MSL2: variants seen among roughly 807,000 people sequenced by gnomAD.
MSL2 encodes MSL complex subunit 2.
MSL2 carries 2 observed loss-of-function variants against 35.8 expected under a neutral mutation model. The ratio of observed to expected loss-of-function variants is 0.06; its 90% CI spans 0.02 to 0.18. The LOEUF (loss-of-function observed/expected upper bound fraction) is 0.18. Ranked by LOEUF, MSL2 falls within the 10% of genes least tolerant of loss-of-function variation. The pLI, the probability that MSL2 is intolerant of heterozygous loss-of-function variation, is 1.00. For synonymous variants in MSL2, 296 were observed against 255.7 expected (o/e 1.16, Z -1.50); for missense variants, 523 against 706.7 (o/e 0.74, Z 2.95).
intron 1 of MSL2, among the ~76,000 whole-genome samples, chr3:136,155,134 G>C (rs909880207): frequency 6.6e-6 from 1 of 151,962 alleles, no homozygotes; most frequent in Non-Finnish European, 1.5e-5. Flanking sequence ...GCTTGAACCC[G>C]GGAGGCAGAG....
At chr3:136,194,871 G>A in intron 1 of MSL2, 101 bp downstream of exon 1, 3 of 1,536,870 alleles carry the variant, frequency 2.0e-6, no homozygotes, top group Non-Finnish European at 2.7e-6. Context: ...AATAACAAAA[G>A]CTTAATACCA....
chr3:136,153,383 T>C (rs767886969), intron 1 of MSL2, among the ~76,000 whole-genome samples: 3 of 152,168 alleles, frequency 2.0e-5, no homozygotes, highest in African/African-American at 4.8e-5. Flanking sequence ...TCATAAAAGA[T>C]AGTCTTGAGG....
At chr3:136,159,998 G>A (rs528478511) in intron 1 of MSL2, among the ~76,000 whole-genome samples, 8 of 152,156 alleles carry the variant, frequency 5.3e-5, no homozygotes, top group African/African-American at 1.9e-4. Flanking sequence ...ATGGTCAGGC[G>A]AGGTGGTTCA....
intron 1 of MSL2, among the ~76,000 whole-genome samples, chr3:136,165,022 C>T (rs1040770178): frequency 2.0e-5 from 3 of 152,002 alleles, no homozygotes; most frequent in African/African-American, 7.2e-5. Flanking sequence ...CACAGGTGAG[C>T]ACCACTGCGT....
At chr3:136,190,648 C>G (rs1028465698) in intron 1 of MSL2, among the ~76,000 whole-genome samples, 1 of 152,106 alleles carries the variant, frequency 6.6e-6, no homozygotes, top group African/African-American at 2.4e-5. Context: ...CCCTCCAATC[C>G]TAACAGGATT....
intron 1 of MSL2, chr3:136,155,452 G>A (rs113021516): frequency 4.6e-4 from 74 of 162,376 alleles, no homozygotes; most frequent in African/African-American, 1.6e-3. Context: ...TGCAGTGAGC[G>A]GAGATCGTGC....
At position 136,195,741 on chromosome 3, in the gene MSL2, G is replaced by A. The variant is rs1576382795; in HGVS notation, c.-628C>T. ...CTCTCCATATCGGACGCGGGGCCCA[G>A]ACTGCGCCCTGGCTCTCCGCCCCGT... On this transcript the variant is annotated 5_prime_UTR_variant, in exon 1 of 2. Coordinates refer to ENST00000309993, the MANE Select transcript of MSL2 (RefSeq NM_018133.4). 2.0e-6 allele frequency: 2 copies of A among 985,194 alleles called. No individual in the cohort carries two copies. Among genetic ancestry groups the A allele is most frequent in the Non-Finnish European group, 2.4e-6 (2 of 829,888 alleles). 61.0% of individuals were successfully genotyped at this position (985,194 alleles called of 1,614,324 possible). A position where few individuals can be genotyped will look rare whatever the true frequency, so the allele number is the denominator to read the frequency against.
intron 1 of MSL2, among the ~76,000 whole-genome samples, chr3:136,177,981 C>T (rs1940230513): frequency 6.6e-6 from 1 of 152,038 alleles, no homozygotes; most frequent in Non-Finnish European, 1.5e-5. Context: ...TTGGGTAAGT[C>T]AGTACTTTAT....
At chr3:136,155,502 T>G (rs906814284) in intron 1 of MSL2, 1 of 186,542 alleles carries the variant, frequency 5.4e-6, no homozygotes, top group Non-Finnish European at 1.1e-5. Context: ...AGAGCAAAAC[T>G]CCACCTCAAA....
chr3:136,157,122 T>A (rs1486630434), intron 1 of MSL2, among the ~76,000 whole-genome samples: 2 of 152,178 alleles, frequency 1.3e-5, no homozygotes. Flanking sequence ...CTAATCAGGT[T>A]AAAGCAAATA....
At chr3:136,180,992 A>AT (rs1306765047) in intron 1 of MSL2, among the ~76,000 whole-genome samples, 5 of 151,074 alleles carry the variant, frequency 3.3e-5, no homozygotes, top group Middle Eastern at 6.8e-3. Context: ...ACTCTATTAA[A>AT]TAAAAAAAAA....
Position 136,151,952 on chromosome 3 carries a change from G to C in MSL2, c.929C>G (p.Ser310Cys), listed in dbSNP as rs1298277598. Reference sequence around the variant, plus strand: ...GGACATAAAAACATTATGGCTAAGAGACTGGGAAGAAAGCTGCAGAAAAGG... The same window carrying C: ...GGACATAAAAACATTATGGCTAAGACACTGGGAAGAAAGCTGCAGAAAAGG... ...NGPFLQLSSQ[S>C]LSHNVFMSTS... The change falls in exon 2 of 2, where the codon TCT becomes TGT. Residue 310 changes from serine to cysteine, a missense_variant. Transcript: ENST00000309993. The surrounding 1 kb of genome is among the most constrained non-coding windows in gnomAD (Gnocchi z 5.2). 1 of 1,614,084 alleles carries C rather than the reference G, an allele frequency of 6.2e-7. No homozygotes were observed. Among genetic ancestry groups the C allele is most frequent in the Non-Finnish European group, 8.5e-7 (1 of 1,180,040 alleles).
intron 1 of MSL2, among the ~76,000 whole-genome samples, chr3:136,156,520 TCTC>T (rs1405459574): frequency 2.0e-5 from 3 of 151,846 alleles, no homozygotes; most frequent in African/African-American, 7.3e-5. Context: ...AAGAATGAAG[TCTC>T]CTTAGAAAAA....
intron 1 of MSL2, among the ~76,000 whole-genome samples, chr3:136,182,065 A>C (rs1940382825): frequency 6.6e-6 from 1 of 152,194 alleles, no homozygotes; most frequent in Admixed American, 6.5e-5. Context: ...TTTCTCACAC[A>C]GTTTTAAGAA....
At chr3:136,173,427 G>C (rs2108078546) in intron 1 of MSL2, among the ~76,000 whole-genome samples, 1 of 152,032 alleles carries the variant, frequency 6.6e-6, no homozygotes, top group South Asian at 2.1e-4. Flanking sequence ...TAAAAGCCTG[G>C]TCTTCCTCCT....
chr3:136,160,807 A>G (rs1939687884), intron 1 of MSL2, among the ~76,000 whole-genome samples: 1 of 152,142 alleles, frequency 6.6e-6, no homozygotes, highest in Admixed American at 6.5e-5. Context: ...ATGAATGACC[A>G]GCCGGGCACA....
rs765040961 is a variant in MSL2 at position 136,152,542 on chromosome 3, A to G, written c.339T>C (p.Thr113=). ...YKKLCEYITQ[T]TLARDIIEAV... ...CTTCTATTATATCCCGTGCCAGTGT[A>G]GTCTGTGTTATATACTCGCATAGTT... The change falls in exon 2 of 2, where the codon ACT becomes ACC. Residue 113 remains threonine (T), a synonymous_variant. Transcript: ENST00000309993. The G allele has an allele frequency of 2.3e-5, 37 of 1,614,108 alleles. No homozygotes were observed. The East Asian group carries it at 5.8e-4, about 25-fold the overall frequency.
intron 1 of MSL2, among the ~76,000 whole-genome samples, chr3:136,181,812 G>A (rs553003956): frequency 4.6e-5 from 7 of 151,900 alleles, no homozygotes; most frequent in East Asian, 3.9e-4. Context: ...CCAGCTACTC[G>A]GGAGGCTGAG....
intron 1 of MSL2, among the ~76,000 whole-genome samples, chr3:136,177,488 C>T (rs879515770): frequency 6.6e-6 from 1 of 151,768 alleles, no homozygotes; most frequent in Non-Finnish European, 1.5e-5. Context: ...TCCTGGCTAA[C>T]AAGGTGAAAA....
Sources: gnomAD v4.1 joint callset for allele counts (sites outside exome capture counted in the v4.1 genomes callset) on GRCh38, gnomAD v4.1.1 for gene constraint, Gnocchi (gnomAD v3.1) non-coding constraint, MANE v1.5 for transcripts, NCBI Gene and HGNC (gene_info 2026-07-23, HGNC 2026-07-21) for gene names.